COL5A1: variants seen among roughly 807,000 people sequenced by gnomAD.
COL5A1 encodes the protein collagen alpha-1(V) chain.
In COL5A1, 16 loss-of-function variants were observed where a neutral mutation model predicts 263.7. The observed-to-expected ratio is 0.06, with a 90% CI of 0.04 to 0.09. The LOEUF is 0.09. Ranked by LOEUF, COL5A1 falls within the 10% of genes least tolerant of loss-of-function variation. The probability of loss-of-function intolerance (pLI) is 1.00; values close to 1 mark genes in which losing one functional copy is unlikely to be tolerated. For synonymous variants in COL5A1, 1,012 were observed against 1,004.5 expected, an observed-to-expected ratio of 1.01 and a Z score of -0.14; for missense variants, 2,036 against 2,540.5, an observed-to-expected ratio of 0.80 and a Z score of 4.27.
intron 63 of COL5A1, among the ~76,000 whole-genome samples, chr9:134,829,675 A>C (rs536316707): frequency 7.0e-6 from 1 of 143,416 alleles, no homozygotes; most frequent in East Asian, 2.1e-4. Flanking sequence ...CATGGCCTTC[A>C]GTCTCCCCAA....
At chr9:134,654,946 T>G (rs1588407517) in intron 1 of COL5A1, among the ~76,000 whole-genome samples, 33 of 31,456 alleles carry the variant, frequency 1.0e-3, no homozygotes, top group Non-Finnish European at 1.2e-3. Context: ...GCTGGGGGTG[T>G]GTAGAGCTGG....
chr9:134,827,686 C>T (rs1247949628), intron 63 of COL5A1, among the ~76,000 whole-genome samples: 1 of 152,222 alleles, frequency 6.6e-6, no homozygotes, highest in Non-Finnish European at 1.5e-5. Context: ...TGTTGACCAG[C>T]CAGGCGTCCA....
intron 11 of COL5A1, among the ~76,000 whole-genome samples, chr9:134,745,447 C>T (rs1215819273): frequency 6.6e-6 from 1 of 152,168 alleles, no homozygotes; most frequent in Non-Finnish European, 1.5e-5. Context: ...GAGTCTTTCT[C>T]ACGTGGGCCC....
intron 4 of COL5A1, among the ~76,000 whole-genome samples, chr9:134,702,544 G>A (rs758409929): frequency 2.6e-5 from 4 of 152,210 alleles, no homozygotes; most frequent in Non-Finnish European, 4.4e-5. Context: ...GTTCTGCCAA[G>A]GGCACGCGAA....
At chr9:134,671,846 T>C (rs4842139) in intron 1 of COL5A1, among the ~76,000 whole-genome samples, 124,720 of 152,284 alleles carry the variant, frequency 0.82, 51,659 homozygotes, top group South Asian at 0.89. Flanking sequence ...AGGCAAGTGC[T>C]GTCCGATGCC....
rs1374370103 is a variant in COL5A1, at chr9:134,794,387, TG to T, written c.2701-690del. Among the ~76,000 whole-genome samples, 3 of 151,154 alleles carry T rather than the reference TG, an allele frequency of 2.0e-5. No individual in the cohort carries two copies. Among genetic ancestry groups the T allele is most frequent in the African/African-American group, 4.9e-5 (2 of 41,120 alleles). ...TTCAGGAAGCTGAGTTGGGACACGG[TG>T]GGGGATGTAGGGGCCCCTGCGTGTT... is the stretch of plus-strand genomic sequence containing the variant. On this transcript the variant is annotated intron_variant, in intron 32 of 65. Transcript: ENST00000371817. The surrounding 1 kb of genome is among the most constrained non-coding windows in gnomAD (Gnocchi z 4.3).
chr9:134,708,333 G>A (rs1429870807), intron 4 of COL5A1: 2 of 323,220 alleles, frequency 6.2e-6, no homozygotes, highest in Non-Finnish European at 6.1e-6. Flanking sequence ...CTCGGAGGCA[G>A]TGTGTGCCTG....
At chr9:134,760,615 A>C (rs1348707657) in intron 18 of COL5A1, among the ~76,000 whole-genome samples, 3 of 114,820 alleles carry the variant, frequency 2.6e-5, no homozygotes, top group Non-Finnish European at 5.0e-5. Context: ...ACATGCACAC[A>C]CACACACCCA....
At chr9:134,770,978 C>A (rs1237528862) in intron 25 of COL5A1, among the ~76,000 whole-genome samples, 1 of 152,238 alleles carries the variant, frequency 6.6e-6, no homozygotes, top group Non-Finnish European at 1.5e-5. Flanking sequence ...GGAATTTGGC[C>A]TGGATGGGAA....
At chr9:134,781,944 G>A (rs558642767) in intron 28 of COL5A1, among the ~76,000 whole-genome samples, 1 of 152,288 alleles carries the variant, frequency 6.6e-6, no homozygotes, top group Admixed American at 6.5e-5. Context: ...GGATCAAGAT[G>A]TAGCCCCTGA....
chr9:134,783,216 C>T (rs1051693471), intron 29 of COL5A1, among the ~76,000 whole-genome samples: 3 of 152,208 alleles, frequency 2.0e-5, no homozygotes, highest in Admixed American at 1.3e-4. Flanking sequence ...GTCCTGGTCC[C>T]CAGACAGTTC....
At position 134,794,290 on chromosome 9, in the gene COL5A1, A is replaced by G. The variant is rs190916212; in HGVS notation, c.2701-792A>G. Reference sequence around the variant, plus strand: ...CAGCCAAGATCACACCATTGCATTCATTCCAGCCTGGCGGCAGAGCAAGAC... The same window carrying G: ...CAGCCAAGATCACACCATTGCATTCGTTCCAGCCTGGCGGCAGAGCAAGAC... On this transcript the variant is annotated intron_variant, in intron 32 of 65. Coordinates refer to ENST00000371817, the MANE Select transcript of COL5A1 (RefSeq NM_000093.5). This position sits in a 1 kb window ranked among gnomAD's most constrained non-coding sequence, Gnocchi z 4.3. Among the ~76,000 whole-genome samples, 127 of 151,186 alleles carry G rather than the reference A, an allele frequency of 8.4e-4. No homozygotes were observed. The highest frequency in any genetic ancestry group is 1.0e-3 in the Non-Finnish European group (68 of 67,910).
At chr9:134,825,003 C>T in intron 62 of COL5A1, 148 bp downstream of exon 62, 1 of 1,156,156 alleles carries the variant, frequency 8.6e-7, no homozygotes, top group East Asian at 2.6e-5. Flanking sequence ...CCGGGGTGCG[C>T]AAGAGCCTCC....
At chr9:134,812,557 G>A (rs1453584509) in intron 47 of COL5A1, 48 bp from the exon 48 acceptor site, 14 of 1,612,218 alleles carry the variant, frequency 8.7e-6, no homozygotes, top group African/African-American at 1.3e-5. Flanking sequence ...ATGTTTTGGG[G>A]AAACATTTGC....
intron 9 of COL5A1, among the ~76,000 whole-genome samples, chr9:134,736,965 C>T (rs1353106352): frequency 6.6e-6 from 1 of 152,232 alleles, no homozygotes; most frequent in African/African-American, 2.4e-5. Context: ...GCCCCAGGGC[C>T]TCAGGCAGCA....
chr9:134,819,985 C>G, intron 57 of COL5A1, 131 bp from the exon 58 acceptor site: 1 of 789,762 alleles, frequency 1.3e-6, no homozygotes, highest in Non-Finnish European at 2.3e-6. Flanking sequence ...GCCTGTTCCC[C>G]TTCCAGGGGA....
At chr9:134,656,827 A>T (rs1389042811) in intron 1 of COL5A1, among the ~76,000 whole-genome samples, 2 of 149,420 alleles carry the variant, frequency 1.3e-5, no homozygotes, top group Non-Finnish European at 3.0e-5. Context: ...GGGACCTCAG[A>T]GGATGCTAAA....
rs906351149 is a variant in COL5A1 at position 134,821,415 on chromosome 9, C to T, written c.4555-682C>T. 6.6e-6 allele frequency among the ~76,000 whole-genome samples: 1 copy of T among 152,154 alleles called. No homozygotes were observed. The highest frequency in any genetic ancestry group is 2.4e-5 in the African/African-American group (1 of 41,428). The stretch of plus-strand genomic sequence containing the variant: ...GAAGCGCTCCCTCCCCAGTGAAATA[C>T]GGCCATCAGCCCTCCGCTACCCTCG... On this transcript the variant is annotated intron_variant, in intron 58 of 65. Coordinates refer to ENST00000371817, the MANE Select transcript of COL5A1 (RefSeq NM_000093.5). This position sits in a 1 kb window ranked among gnomAD's most constrained non-coding sequence, Gnocchi z 4.2.
rs1833616245 is a variant in COL5A1 at position 134,700,087 on chromosome 9, C to T, written c.456C>T (p.Tyr152=). The T allele has an allele frequency of 1.9e-6, 3 of 1,609,948 alleles. No individual in the cohort carries two copies. Among genetic ancestry groups the T allele is most frequent in the African/African-American group, 1.3e-5 (1 of 74,944 alleles). The change falls in exon 3 of 66, where the codon TAC becomes TAT. Residue 152 remains tyrosine (Y), a synonymous_variant. Transcript: ENST00000371817. This position sits in a 1 kb window ranked among gnomAD's most constrained non-coding sequence, Gnocchi z 4.0. ...CGGGGAAGCCTGGCCCGGAAGACTA[C>T]CCCCTCTTCCGGGGCATCAACCTGT... ...DHTGKPGPED[Y]PLFRGINLSD...
Sources: allele counts gnomAD v4.1 joint callset (sites outside exome capture counted in the v4.1 genomes callset), GRCh38; gene constraint gnomAD v4.1.1; non-coding constraint Gnocchi (gnomAD v3.1); transcripts MANE v1.5; gene names NCBI Gene and HGNC (gene_info 2026-07-23, HGNC 2026-07-21).